POLB: variants seen among roughly 807,000 people sequenced by gnomAD.
POLB encodes 5'-dRP lyase.
Under a neutral mutation model 52.7 loss-of-function variants are expected in POLB, and 37 were observed. The observed-to-expected ratio is 0.70, with a 90% CI of 0.54 to 0.92. The LOEUF is 0.92. POLB is among the 40% of genes least tolerant of loss of function. The probability of loss-of-function intolerance (pLI) is 0.00; values close to 1 mark genes in which losing one functional copy is unlikely to be tolerated. For missense variants in POLB, 313 were observed against 400.8 expected, an observed-to-expected ratio of 0.78 and a Z score of 1.87; for synonymous variants, 138 against 131.3, an observed-to-expected ratio of 1.05 and a Z score of -0.35.
intron 11 of POLB, among the ~76,000 whole-genome samples, chr8:42,366,923 C>T (rs1824077709): frequency 6.6e-6 from 1 of 152,060 alleles, no homozygotes; most frequent in African/African-American, 2.4e-5. Flanking sequence ...ATGGATCTTC[C>T]AAGAGTTGTA....
chr8:42,347,272 GA>G (rs1205289215), intron 3 of POLB, among the ~76,000 whole-genome samples: 1 of 146,930 alleles, frequency 6.8e-6, no homozygotes, highest in Non-Finnish European at 1.5e-5. Flanking sequence ...AGTAATTCTA[GA>G]AATTATTCTA....
At chr8:42,356,182 C>T (rs954507186) in intron 7 of POLB, among the ~76,000 whole-genome samples, 14 of 152,098 alleles carry the variant, frequency 9.2e-5, no homozygotes, top group Admixed American at 7.2e-4. Context: ...GTGATTCAGT[C>T]CTAATTACCT....
intron 11 of POLB, among the ~76,000 whole-genome samples, chr8:42,365,568 G>A (rs565480487): frequency 6.6e-6 from 1 of 152,224 alleles, no homozygotes; most frequent in African/African-American, 2.4e-5. Context: ...GCTACGTCTG[G>A]GCATATTTTG....
chr8:42,361,407 A>G, intron 10 of POLB, 42 bp downstream of exon 10: 1 of 1,282,512 alleles, frequency 7.8e-7, no homozygotes, highest in Non-Finnish European at 1.1e-6. Context: ...GTCTTACACA[A>G]CAGTGAATTT....
chr8:42,354,644 A>G (rs1042244878), intron 6 of POLB: 13 of 399,390 alleles, frequency 3.3e-5, no homozygotes, highest in African/African-American at 2.7e-4. Flanking sequence ...CCTGGGTTCA[A>G]GTGATTCTCC....
intron 11 of POLB, among the ~76,000 whole-genome samples, chr8:42,367,996 A>G (rs1316320669): frequency 1.3e-5 from 2 of 152,230 alleles, no homozygotes; most frequent in Admixed American, 1.3e-4. Flanking sequence ...CTCAGTATGA[A>G]GCTACCCAAA....
intron 2 of POLB, among the ~76,000 whole-genome samples, chr8:42,344,365 A>C (rs1435853108): frequency 6.6e-6 from 1 of 151,906 alleles, no homozygotes; most frequent in Non-Finnish European, 1.5e-5. Context: ...GCAACTTGGG[A>C]AGCTAAGGCA....
chr8:42,358,638 G>A (rs1823482079), intron 9 of POLB, among the ~76,000 whole-genome samples: 1 of 152,208 alleles, frequency 6.6e-6, no homozygotes, highest in South Asian at 2.1e-4. Context: ...TAGGAAGTAG[G>A]TGATGGCCTA....
At chr8:42,357,032 CAG>C in intron 7 of POLB, 135 bp from the exon 8 acceptor site, 1 of 597,276 alleles carries the variant, frequency 1.7e-6, no homozygotes, top group East Asian at 2.8e-5. Flanking sequence ...GTTGTCATCT[CAG>C]TGAATTCATT....
intron 13 of POLB, 143 bp downstream of exon 13, chr8:42,370,131 G>A: frequency 1.4e-6 from 1 of 724,874 alleles, no homozygotes. Context: ...GGCAACGAGA[G>A]AGGATTTAAT....
In POLB at chr8:42,369,300, T is replaced by C; in HGVS notation, c.738T>C (p.Asp246=). The C allele has an allele frequency of 6.3e-7, 1 of 1,593,934 alleles. No individual in the cohort carries two copies. The highest frequency in any genetic ancestry group is 8.6e-7 in the Non-Finnish European group (1 of 1,162,856). The stretch of plus-strand genomic sequence containing the variant: ...TTTGCCAGCTTCCCAGTAAAAATGA[T>C]GAAAAAGAATATCCACACAGAAGAA... ...MGVCQLPSKN[D]EKEYPHRRID... Residue 246 remains aspartate, a synonymous_variant, in exon 12 of 14, where the codon GAT becomes GAC. Coordinates refer to ENST00000265421, the MANE Select transcript of POLB (RefSeq NM_002690.3).
chr8:42,348,913 A>G (rs548706883), intron 3 of POLB, 103 bp from the exon 4 acceptor site: 50 of 598,312 alleles, frequency 8.4e-5, no homozygotes, highest in Non-Finnish European at 1.3e-4. Flanking sequence ...ACCTTATCAC[A>G]TGGTATTCAT....
chr8:42,339,077 A>C lies in POLB; in HGVS notation c.119+8A>C, dbSNP rs759851553. The C allele has an allele frequency of 1.1e-5, 18 of 1,607,040 alleles. No individual in the cohort carries two copies. The South Asian group carries it at 1.9e-4, about 17-fold the overall frequency. On this transcript the variant is annotated splice_region_variant and intron_variant, in intron 2 of 13. Transcript: ENST00000265421. ...CAAGTACAATGCTTACAGGTGGGACAGTGCAGCATTCTCGGGTAGCATACG... is the reference window on the plus strand; with the variant it reads ...CAAGTACAATGCTTACAGGTGGGACCGTGCAGCATTCTCGGGTAGCATACG...
chr8:42,366,836 A>G (rs1200597005), intron 11 of POLB, among the ~76,000 whole-genome samples: 1 of 152,210 alleles, frequency 6.6e-6, no homozygotes, highest in Non-Finnish European at 1.5e-5. Context: ...TCAAAATTAA[A>G]TAGTATATGT....
intron 2 of POLB, 98 bp from the exon 3 acceptor site, chr8:42,344,855 A>G (rs1376453381): frequency 5.3e-6 from 4 of 754,092 alleles, no homozygotes; most frequent in South Asian, 3.1e-5. Context: ...TGGTGAAAGC[A>G]TAAGCATAGA....
At chr8:42,368,090 G>A (rs962574070) in intron 11 of POLB, among the ~76,000 whole-genome samples, 9 of 152,278 alleles carry the variant, frequency 5.9e-5, no homozygotes, top group Admixed American at 5.9e-4. Flanking sequence ...TAGCACTTCA[G>A]AAAAAGTGCA....
intron 2 of POLB, 62 bp downstream of exon 2, chr8:42,339,131 T>C (rs2130762417): frequency 4.7e-6 from 6 of 1,274,950 alleles, no homozygotes; most frequent in Non-Finnish European, 6.9e-6. Context: ...AGTGTGGCAA[T>C]TAACAGGACT....
chr8:42,342,122 C>T, intron 2 of POLB: 1 of 1,342,164 alleles, frequency 7.5e-7, no homozygotes, highest in South Asian at 1.2e-5. Flanking sequence ...TCATTTGGTA[C>T]TTTGAGGGAT....
Position 42,371,645 on chromosome 8 carries a change from C to G in POLB, c.996C>G (p.Asp332Glu). 1 of 1,607,492 alleles carries G rather than the reference C, an allele frequency of 6.2e-7. No individual in the cohort carries two copies. The highest frequency in any genetic ancestry group is 8.5e-7 in the Non-Finnish European group (1 of 1,174,142). ...AGTGGAAATACCGGGAACCCAAGGA[C>G]CGGAGCGAATGAGGCCTGTATCCTC... ...YIQWKYREPKDRSE is the reference protein window; with the variant it reads ...YIQWKYREPKERSE Residue 332 changes from aspartate to glutamate, a missense_variant, in exon 14 of 14, where the codon GAC becomes GAG. By Grantham distance (45) the Asp-to-Glu change is conservative. Around this residue, in one of 3 missense-constraint regions of POLB, gnomAD observed 246 missense variants for 297.6 expected, o/e 0.83. Transcript: ENST00000265421.
Sources: gnomAD v4.1 joint callset for allele counts (sites outside exome capture counted in the v4.1 genomes callset) on GRCh38, gnomAD v4.1.1 for gene constraint, gnomAD v4.1.1 regional missense constraint, MANE v1.5 for transcripts, NCBI Gene and HGNC (gene_info 2026-07-23, HGNC 2026-07-21) for gene names.